COPG2: variants seen among roughly 807,000 people sequenced by gnomAD.
The protein encoded by COPG2 is coat protein complex I subunit gamma 2.
Under a neutral mutation model 46.3 loss-of-function variants are expected in COPG2, and 37 were observed. The observed-to-expected ratio is 0.80, with a 90% confidence interval of 0.61 to 1.05. COPG2 has a LOEUF of 1.05. Ranked by LOEUF, COPG2 falls within the 50% of genes least tolerant of loss-of-function variation. The pLI is 0.00. For synonymous variants in COPG2, 159 were observed against 129.7 expected, an observed-to-expected ratio of 1.23 and a Z score of -1.53; for missense variants, 427 against 387.8, an observed-to-expected ratio of 1.10 and a Z score of -0.85.
intron 5 of COPG2, among the ~76,000 whole-genome samples, chr7:130,646,997 G>GCA (rs1563070224): frequency 6.6e-3 from 271 of 41,000 alleles, no homozygotes; most frequent in Middle Eastern, 0.022. Flanking sequence ...ATATATATAT[G>GCA]TGTATATATA....
At chr7:130,553,832 G>A (rs947610009) in intron 14 of COPG2, among the ~76,000 whole-genome samples, 15 of 152,172 alleles carry the variant, frequency 9.9e-5, no homozygotes, top group Non-Finnish European at 1.9e-4. Context: ...AGGCTATGGG[G>A]TTTCACGAAG....
chr7:130,612,857 G>C (rs559150337), intron 7 of COPG2, among the ~76,000 whole-genome samples: 1 of 152,014 alleles, frequency 6.6e-6, no homozygotes, highest in Non-Finnish European at 1.5e-5. Flanking sequence ...AAAAAGCAGA[G>C]GACAAAGAGA....
intron 2 of COPG2, 75 bp from the exon 3 acceptor site, chr7:130,667,004 CA>C (rs1408877752): frequency 8.9e-5 from 66 of 745,082 alleles, no homozygotes; most frequent in Non-Finnish European, 1.1e-4. Flanking sequence ...AACTTTAATA[CA>C]GACTATTTTT....
intron 9 of COPG2, among the ~76,000 whole-genome samples, chr7:130,593,167 A>G (rs1468329643): frequency 2.0e-5 from 3 of 152,256 alleles, no homozygotes; most frequent in Admixed American, 1.3e-4. Context: ...TTTCTACTGC[A>G]GTTTTCTGGA....
intron 9 of COPG2, among the ~76,000 whole-genome samples, chr7:130,580,077 T>C (rs556703466): frequency 9.9e-5 from 15 of 151,396 alleles, no homozygotes; most frequent in African/African-American, 3.1e-4. Flanking sequence ...TATTCCAAAA[T>C]TGACCACATA....
chr7:130,603,721 CAAAAAAAAAAAAAA>C, intron 9 of COPG2: 1 of 199,482 alleles, frequency 5.0e-6, no homozygotes, highest in South Asian at 3.1e-5. Context: ...AACTCAGTCT[CAAAAAAAAAAAAAA>C]AAAAAAAAAA....
chr7:130,635,497 T>C (rs530606336), intron 5 of COPG2, among the ~76,000 whole-genome samples: 1 of 152,258 alleles, frequency 6.6e-6, no homozygotes, highest in South Asian at 2.1e-4. Context: ...TTTATTTGCA[T>C]AGAGGTGTTT....
At chr7:130,635,682 A>AT (rs1286984191) in intron 5 of COPG2, among the ~76,000 whole-genome samples, 2 of 151,886 alleles carry the variant, frequency 1.3e-5, no homozygotes, top group African/African-American at 4.8e-5. Flanking sequence ...TTTTTGAAGG[A>AT]TTTTTTGTGT....
Position 130,620,765 on chromosome 7 carries a change from G to A in COPG2, c.324-3700C>T, listed in dbSNP as rs77870671. ...GGACTTTTGAGTTATAATATTTAAC[G>A]AGATTTTAGACCTGAGTTAATGCAA... On this transcript the variant is annotated intron_variant, in intron 5 of 23. Coordinates refer to ENST00000425248, the MANE Select transcript of COPG2 (RefSeq NM_012133.6). Among the ~76,000 whole-genome samples, 506 of 152,236 alleles carry A rather than the reference G, an allele frequency of 3.3e-3. 2 individuals are homozygous for A. Among genetic ancestry groups the A allele is most frequent in the African/African-American group, 0.011 (466 of 41,534 alleles).
chr7:130,535,740 G>A (rs1799873682), intron 20 of COPG2, among the ~76,000 whole-genome samples: 1 of 147,140 alleles, frequency 6.8e-6, no homozygotes, highest in African/African-American at 2.5e-5. Flanking sequence ...GGGTTGGGGT[G>A]GGGTGAAGTG....
At chr7:130,634,351 G>A (rs1304309378) in intron 5 of COPG2, among the ~76,000 whole-genome samples, 3 of 152,174 alleles carry the variant, frequency 2.0e-5, no homozygotes, top group African/African-American at 7.2e-5. Context: ...TCCTATCCAT[G>A]AGCATGGAAT....
At chr7:130,539,143 C>T (rs912773817) in intron 20 of COPG2, among the ~76,000 whole-genome samples, 3 of 151,902 alleles carry the variant, frequency 2.0e-5, no homozygotes, top group Non-Finnish European at 4.4e-5. Context: ...GGTAGTGTGG[C>T]CAAGAGGGAA....
chr7:130,650,620 CT>C (rs56681851), intron 5 of COPG2, among the ~76,000 whole-genome samples: 1 of 152,188 alleles, frequency 6.6e-6, no homozygotes. Context: ...CCCCTTCTCC[CT>C]TTTCTGTCCC....
chr7:130,593,607 A>G (rs1794472679), intron 9 of COPG2, among the ~76,000 whole-genome samples: 1 of 152,240 alleles, frequency 6.6e-6, no homozygotes, highest in African/African-American at 2.4e-5. Context: ...GAGTCCAGAA[A>G]TAGACCAATC....
Position 130,607,558 on chromosome 7 carries a change from T to C in COPG2, c.737+3395A>G, listed in dbSNP as rs1386277479. On this transcript the variant is annotated intron_variant, in intron 9 of 23. Coordinates refer to ENST00000425248, the MANE Select transcript of COPG2 (RefSeq NM_012133.6). ...TCCTCCATAGTGAGTTGCAGCTGAATTCTCCATTCAATTCTTTTATCTTAC... is the reference window on the plus strand; with the variant it reads ...TCCTCCATAGTGAGTTGCAGCTGAACTCTCCATTCAATTCTTTTATCTTAC... 5 of 427,550 alleles carry C rather than the reference T, an allele frequency of 1.2e-5. No homozygotes were observed. In the Admixed American group the frequency reaches 1.5e-4, roughly 12 times the overall value. 26.5% of individuals were successfully genotyped at this position (427,550 alleles called of 1,614,324 possible).
intron 20 of COPG2, among the ~76,000 whole-genome samples, chr7:130,512,469 GTCTATA>G (rs1554441158): frequency 6.6e-6 from 1 of 151,404 alleles, no homozygotes; most frequent in African/African-American, 2.4e-5. Flanking sequence ...AAGTAAAAAA[GTCTATA>G]TCTATTTCTG....
At chr7:130,511,097 A>G (rs1799587719) in intron 20 of COPG2, 2 of 426,850 alleles carry the variant, frequency 4.7e-6, no homozygotes, top group African/African-American at 2.0e-5. Context: ...GGCAGCTAAG[A>G]CAGGAGAGGG....
At chr7:130,511,034 C>T (rs1000172401) in intron 20 of COPG2, 4 of 513,198 alleles carry the variant, frequency 7.8e-6, no homozygotes, top group African/African-American at 1.9e-5. Context: ...GAGTCAACCA[C>T]TAAGGAGATT....
chr7:130,596,413 T>C (rs1156432579), intron 9 of COPG2, among the ~76,000 whole-genome samples: 1 of 152,200 alleles, frequency 6.6e-6, no homozygotes, highest in Non-Finnish European at 1.5e-5. Context: ...GGCTATTATT[T>C]GGCCATGCTG....
Sources: allele counts gnomAD v4.1 joint callset (sites outside exome capture counted in the v4.1 genomes callset), GRCh38; gene constraint gnomAD v4.1.1; transcripts MANE v1.5; gene names NCBI Gene and HGNC (gene_info 2026-07-23, HGNC 2026-07-21).